Variants in SMARCC1 observed in about 807,000 individuals in gnomAD.
The protein encoded by SMARCC1 is SWI/SNF complex subunit SMARCC1.
Under a neutral mutation model 147.4 loss-of-function variants are expected in SMARCC1, and 43 were observed. The ratio of observed to expected loss-of-function variants is 0.29; its 90% CI spans 0.23 to 0.38. The LOEUF (loss-of-function observed/expected upper bound fraction) is 0.38, where lower values mean the gene tolerates loss of function less well. SMARCC1 is among the 10% of genes least tolerant of loss of function. The pLI, the probability that SMARCC1 is intolerant of heterozygous loss-of-function variation, is 1.00. For missense variants in SMARCC1, 1,119 were observed against 1,381.1 expected (o/e 0.81, Z 3.01); for synonymous variants, 495 against 484.4 (o/e 1.02, Z -0.29).
intron 2 of SMARCC1, among the ~76,000 whole-genome samples, chr3:47,748,538 A>G (rs2106844367): frequency 6.6e-6 from 1 of 150,582 alleles, no homozygotes; most frequent in African/African-American, 2.4e-5. Context: ...ATAATATTTA[A>G]TGACCATAAA....
intron 24 of SMARCC1, among the ~76,000 whole-genome samples, chr3:47,634,763 C>T (rs573635835): frequency 6.6e-6 from 1 of 152,296 alleles, no homozygotes; most frequent in East Asian, 1.9e-4. Flanking sequence ...GTCTCTCTCT[C>T]CTTTCAGTCT....
intron 1 of SMARCC1, among the ~76,000 whole-genome samples, chr3:47,777,885 A>C (rs2034994549): frequency 6.6e-6 from 1 of 151,816 alleles, no homozygotes; most frequent in South Asian, 2.1e-4. Context: ...TTTTTTTCCA[A>C]ATCATCCTAC....
chr3:47,688,224 C>T (rs1420953529), intron 13 of SMARCC1, among the ~76,000 whole-genome samples: 3 of 151,884 alleles, frequency 2.0e-5, no homozygotes, highest in Admixed American at 2.0e-4. Context: ...CATGCCATTG[C>T]ACTCCAGCCT....
intron 25 of SMARCC1, 95 bp downstream of exon 25, chr3:47,622,112 G>A: frequency 8.9e-7 from 1 of 1,121,222 alleles, no homozygotes; most frequent in Non-Finnish European, 1.3e-6. Context: ...TGGAGACCAA[G>A]AGAACAGGCT....
At chr3:47,662,703 A>T in intron 19 of SMARCC1, 111 bp from the exon 20 acceptor site, 1 of 823,566 alleles carries the variant, frequency 1.2e-6, no homozygotes, top group Non-Finnish European at 1.9e-6. Flanking sequence ...ATATTTATGC[A>T]TAAATAGAAA....
intron 26 of SMARCC1, among the ~76,000 whole-genome samples, chr3:47,592,706 C>G (rs2032203569): frequency 6.6e-6 from 1 of 152,188 alleles, no homozygotes. Flanking sequence ...TCAAGCGATC[C>G]CCCTGCCTCA....
intron 2 of SMARCC1, among the ~76,000 whole-genome samples, chr3:47,760,129 C>T (rs572229284): frequency 6.6e-6 from 1 of 152,156 alleles, no homozygotes; most frequent in African/African-American, 2.4e-5. Flanking sequence ...GCATGGCTAA[C>T]ATGGTGAAAC....
intron 14 of SMARCC1, 128 bp from the exon 15 acceptor site, chr3:47,680,636 C>G: frequency 2.0e-6 from 1 of 493,466 alleles, no homozygotes. Flanking sequence ...CAAGCTCCGC[C>G]TCCCGGGTTC....
chr3:47,742,278 A>G (rs1479840346), intron 3 of SMARCC1, among the ~76,000 whole-genome samples: 1 of 152,104 alleles, frequency 6.6e-6, no homozygotes, highest in Non-Finnish European at 1.5e-5. Flanking sequence ...AAAAAGAAAA[A>G]AAAAAAAACA....
intron 11 of SMARCC1, among the ~76,000 whole-genome samples, chr3:47,695,871 T>A (rs13060917): frequency 1 from 113,196 of 113,358 alleles, 56,517 homozygotes; most frequent in Non-Finnish European, 1. Flanking sequence ...GTTCAAGACC[T>A]GCCTGGCCAA....
At chr3:47,662,219 G>T in intron 20 of SMARCC1, 115 bp downstream of exon 20, 1 of 882,904 alleles carries the variant, frequency 1.1e-6, no homozygotes, top group Non-Finnish European at 1.7e-6. Flanking sequence ...TCTTTCACAG[G>T]TAATATCTGA....
At chr3:47,749,925 ACAAAAACTTAGCCGGG>A (rs2034610571) in intron 2 of SMARCC1, among the ~76,000 whole-genome samples, 1 of 151,730 alleles carries the variant, frequency 6.6e-6, no homozygotes, top group Non-Finnish European at 1.5e-5. Flanking sequence ...TACTAAAAAT[ACAAAAACTTAGCCGGG>A]CGTGGTGGCA....
At chr3:47,776,180 C>A (rs962044697) in intron 1 of SMARCC1, among the ~76,000 whole-genome samples, 1 of 152,052 alleles carries the variant, frequency 6.6e-6, no homozygotes, top group South Asian at 2.1e-4. Flanking sequence ...TCAAGTGTAT[C>A]TTACAAAACT....
chr3:47,720,543 A>C, intron 7 of SMARCC1, 123 bp downstream of exon 7: 1 of 722,402 alleles, frequency 1.4e-6, no homozygotes, highest in Non-Finnish European at 2.4e-6. Context: ...AGACTCCATA[A>C]GTGAGAAAAA....
intron 1 of SMARCC1, among the ~76,000 whole-genome samples, chr3:47,775,746 C>A (rs1386301762): frequency 3.3e-5 from 5 of 151,902 alleles, no homozygotes; most frequent in Non-Finnish European, 5.9e-5. Flanking sequence ...CCACCGCACT[C>A]CAGCCTGGGT....
chr3:47,731,532 A>G (rs547270281), intron 5 of SMARCC1, among the ~76,000 whole-genome samples: 1 of 152,350 alleles, frequency 6.6e-6, no homozygotes, highest in South Asian at 2.1e-4. Context: ...CAGATCCATC[A>G]TAAGAACCAC....
At chr3:47,735,709 G>A (rs1185273949) in intron 5 of SMARCC1, among the ~76,000 whole-genome samples, 3 of 151,980 alleles carry the variant, frequency 2.0e-5, no homozygotes, top group Non-Finnish European at 4.4e-5. Context: ...AACCGGGATT[G>A]CACCCCTACA....
intron 15 of SMARCC1, among the ~76,000 whole-genome samples, chr3:47,679,317 A>G (rs926299874): frequency 6.6e-6 from 1 of 152,136 alleles, no homozygotes; most frequent in Non-Finnish European, 1.5e-5. Flanking sequence ...AGGGTTCCAG[A>G]AGTATATACT....
intron 25 of SMARCC1, among the ~76,000 whole-genome samples, chr3:47,611,352 T>C (rs1247309431): frequency 2.0e-5 from 3 of 152,292 alleles, no homozygotes; most frequent in Non-Finnish European, 2.9e-5. Flanking sequence ...GCACTTGAAG[T>C]GTGGCTAACA....
Sources: gnomAD v4.1 joint callset for allele counts (sites outside exome capture counted in the v4.1 genomes callset) on GRCh38, gnomAD v4.1.1 for gene constraint, MANE v1.5 for transcripts, NCBI Gene and HGNC (gene_info 2026-07-23, HGNC 2026-07-21) for gene names.